CACNG3: variants seen among roughly 807,000 people sequenced by gnomAD.
CACNG3 encodes the protein calcium voltage-gated channel auxiliary subunit gamma 3.
Under a neutral mutation model 28.5 loss-of-function variants are expected in CACNG3, and 3 were observed. That is an observed-to-expected ratio of 0.11 (90% CI 0.05 to 0.27). The LOEUF is 0.27. Among genes scored for constraint, CACNG3 ranks in the 10% least tolerant of loss-of-function variants. The pLI is 1.00. For missense variants in CACNG3, 236 were observed against 414.4 expected, an observed-to-expected ratio of 0.57 and a Z score of 3.74; for synonymous variants, 174 against 162.2, an observed-to-expected ratio of 1.07 and a Z score of -0.55.
chr16:24,323,109 C>G (rs1395519434), intron 1 of CACNG3, among the ~76,000 whole-genome samples: 1 of 151,310 alleles, frequency 6.6e-6, no homozygotes, highest in Admixed American at 6.6e-5. Flanking sequence ...TGCCTGTAGT[C>G]CCAGCTACTC....
intron 1 of CACNG3, among the ~76,000 whole-genome samples, chr16:24,336,895 G>A (rs548449416): frequency 6.6e-6 from 1 of 152,186 alleles, no homozygotes; most frequent in African/African-American, 2.4e-5. Context: ...GCTCACTGCA[G>A]CCTCAATCTC....
At chr16:24,352,366 C>T (rs1015815134) in intron 2 of CACNG3, among the ~76,000 whole-genome samples, 4 of 151,650 alleles carry the variant, frequency 2.6e-5, no homozygotes, top group East Asian at 3.9e-4. Context: ...TAAGACCAAA[C>T]GCAACTCGCA....
chr16:24,317,648 A>AAAAGAAAG (rs1158587996), intron 1 of CACNG3, among the ~76,000 whole-genome samples: 1,691 of 55,156 alleles, frequency 0.031, 87 homozygotes, highest in East Asian at 0.053. Context: ...GAAAGAAAAG[A>AAAAGAAAG]AAAGAAAGAA....
rs1810887501 is a variant in CACNG3 at position 24,351,677 on chromosome 16, A to AGAAG, written c.296-3153_296-3152insGGAA. 1.4e-5 allele frequency among the ~76,000 whole-genome samples: 2 copies of AGAAG among 142,134 alleles called. 1 individual carries two copies. Among genetic ancestry groups the AGAAG allele is most frequent in the African/African-American group, 5.5e-5 (2 of 36,204 alleles). 93.2% of individuals were successfully genotyped at this position (142,134 alleles called of 152,430 possible). A position where few individuals can be genotyped will look rare whatever the true frequency, so the allele number is the denominator to read the frequency against. On this transcript the variant is annotated intron_variant, in intron 2 of 3. Transcript: ENST00000005284. ...AAAGACAGACGAAAGAAAGAAAGAA[A>AGAAG]GAAAGAAGGAAAGAAAGAAAGAGAA... is the stretch of plus-strand genomic sequence containing the variant.
chr16:24,273,424 C>T (rs1274141358), intron 1 of CACNG3, among the ~76,000 whole-genome samples: 1 of 152,202 alleles, frequency 6.6e-6, no homozygotes, highest in African/African-American at 2.4e-5. Flanking sequence ...CGTAGACTGT[C>T]TTAGCTTCCC....
chr16:24,344,374 A>T (rs1012807810), intron 1 of CACNG3, among the ~76,000 whole-genome samples: 1 of 151,216 alleles, frequency 6.6e-6, no homozygotes, highest in Admixed American at 6.6e-5. Flanking sequence ...GTGCCACTGC[A>T]CTCCAACCTG....
At position 24,270,456 on chromosome 16, in the gene CACNG3, AAAATAGAAAGATC is replaced by A. The variant is rs759955617; in HGVS notation, c.211+13496_211+13508del. Among the ~76,000 whole-genome samples, 40 of 152,244 alleles carry A rather than the reference AAAATAGAAAGATC, an allele frequency of 2.6e-4. 1 individual carries two copies. The highest frequency in any genetic ancestry group is 5.4e-4 in the Non-Finnish European group (37 of 68,034). On this transcript the variant is annotated intron_variant, in intron 1 of 3. Transcript: ENST00000005284. ...TCAAAATGCTCTGGGTGTTTGGAGA[AAAATAGAAAGATC>A]AAATCAAGAGGCAATGATGTTAATC...
rs201001313 is a variant in CACNG3, at chr16:24,351,757, A to AAGAGAGAG, written c.296-3070_296-3063dup. Among the ~76,000 whole-genome samples the AAGAGAGAG allele has an allele frequency of 2.3e-3, 320 of 141,802 alleles. 1 individual carries two copies. Among genetic ancestry groups the AAGAGAGAG allele is most frequent in the Non-Finnish European group, 4.0e-3 (265 of 66,540 alleles). The allele number at this position is 141,802 out of a possible 152,430, so 93.0% of individuals were successfully genotyped here. On this transcript the variant is annotated intron_variant, in intron 2 of 3. Coordinates refer to ENST00000005284, the MANE Select transcript of CACNG3 (RefSeq NM_006539.4). ...AGAGAAAGGAAGGAAGGAAGGAAGG[A>AAGAGAGAG]AGAGAGAGAGAGAAAGAAAGATTGG...
chr16:24,338,610 G>T (rs1194582611), intron 1 of CACNG3, among the ~76,000 whole-genome samples: 1 of 152,192 alleles, frequency 6.6e-6, no homozygotes, highest in Non-Finnish European at 1.5e-5. Flanking sequence ...CTCCCAAAGT[G>T]CTGGGATTAC....
chr16:24,262,986 A>G (rs1010879997), intron 1 of CACNG3, among the ~76,000 whole-genome samples: 1 of 152,258 alleles, frequency 6.6e-6, no homozygotes, highest in Non-Finnish European at 1.5e-5. Flanking sequence ...AAATGTTCAC[A>G]TAGAGCACAG....
chr16:24,317,596 AAG>A (rs1299246308), intron 1 of CACNG3, among the ~76,000 whole-genome samples: 6 of 71,916 alleles, frequency 8.3e-5, no homozygotes, highest in East Asian at 3.7e-4. Context: ...GAAAGAAAGA[AAG>A]AAAGAAAGAA....
chr16:24,274,730 C>A (rs1386228901), intron 1 of CACNG3, among the ~76,000 whole-genome samples: 3 of 152,138 alleles, frequency 2.0e-5, no homozygotes, highest in East Asian at 1.9e-4. Context: ...TGAGCTACAT[C>A]GGGGAGCCAT....
chr16:24,354,077 C>T (rs1246531120), intron 2 of CACNG3, among the ~76,000 whole-genome samples: 1 of 152,020 alleles, frequency 6.6e-6, no homozygotes, highest in African/African-American at 2.4e-5. Flanking sequence ...CCTGTAGTTC[C>T]AGCTACTTGA....
At chr16:24,340,730 G>A (rs1899774975) in intron 1 of CACNG3, among the ~76,000 whole-genome samples, 1 of 152,082 alleles carries the variant, frequency 6.6e-6, no homozygotes. Flanking sequence ...CAACACCTCC[G>A]GAAATCTCTT....
intron 1 of CACNG3, among the ~76,000 whole-genome samples, chr16:24,305,485 A>G (rs1258245876): frequency 1.3e-5 from 2 of 151,888 alleles, no homozygotes; most frequent in Non-Finnish European, 2.9e-5. Flanking sequence ...CAGCCTCCTG[A>G]GTAGCCGTTG....
At chr16:24,282,809 A>C (rs955665694) in intron 1 of CACNG3, among the ~76,000 whole-genome samples, 10 of 151,462 alleles carry the variant, frequency 6.6e-5, no homozygotes, top group Admixed American at 2.0e-4. Context: ...CTTTTAATCT[A>C]TATTTCTATT....
intron 1 of CACNG3, among the ~76,000 whole-genome samples, chr16:24,317,643 AAAAGAAAAG>A (rs1329019808): frequency 1.3e-4 from 8 of 63,246 alleles, no homozygotes; most frequent in African/African-American, 3.8e-4. Flanking sequence ...AGAAAGAAAG[AAAAGAAAAG>A]AAAGAAAGAA....
chr16:24,308,635 G>A (rs866274472), intron 1 of CACNG3, among the ~76,000 whole-genome samples: 7 of 151,802 alleles, frequency 4.6e-5, no homozygotes, highest in South Asian at 2.1e-4. Context: ...TGAGAGGATC[G>A]CTTGTGCTCA....
At chr16:24,272,561 A>G (rs1356590612) in intron 1 of CACNG3, among the ~76,000 whole-genome samples, 1 of 152,014 alleles carries the variant, frequency 6.6e-6, no homozygotes, top group Non-Finnish European at 1.5e-5. Context: ...AATTTATTCA[A>G]TTTTTTCAAC....
Sources: allele counts gnomAD v4.1 joint callset (sites outside exome capture counted in the v4.1 genomes callset), GRCh38; gene constraint gnomAD v4.1.1; transcripts MANE v1.5; gene names NCBI Gene and HGNC (gene_info 2026-07-23, HGNC 2026-07-21).